PTPN13: variants seen among roughly 807,000 people sequenced by gnomAD.
The protein encoded by PTPN13 is protein tyrosine phosphatase non-receptor type 13, also known as tyrosine-protein phosphatase non-receptor type 13.
In PTPN13, 191 loss-of-function variants were observed where a neutral mutation model predicts 284.0. That is an observed-to-expected ratio of 0.67 (90% CI 0.60 to 0.76). PTPN13 has a LOEUF of 0.76. PTPN13 is among the 30% of genes least tolerant of loss of function. PTPN13 has a pLI of 0.00. For synonymous variants in PTPN13, 986 were observed against 1,022.3 expected (o/e 0.96, Z 0.68); for missense variants, 2,797 against 2,939.9 (o/e 0.95, Z 1.12).
At chr4:86,661,212 T>C (rs778890025) in intron 2 of PTPN13, 7 of 354,400 alleles carry the variant, frequency 2.0e-5, no homozygotes, top group South Asian at 1.5e-4. Flanking sequence ...TGCCTGGTTT[T>C]GGACATCATA....
rs1368647794 is a variant in PTPN13 at position 86,771,382 on chromosome 4, A to G, written c.5015A>G (p.Asn1672Ser). 1 of 1,572,010 alleles carries G rather than the reference A, an allele frequency of 6.4e-7. No homozygotes were observed. Among genetic ancestry groups the G allele is most frequent in the Non-Finnish European group, 8.6e-7 (1 of 1,157,908 alleles). ...GTGACAGCTCCAGCAAACATATCAA[A>G]TTCGACCTGGAGTTCAGCTTTGCAT... ...DLVTAPANIS[N>S]STWSSALHQT... The change falls in exon 31 of 48, where the codon AAT becomes AGT. Residue 1672 changes from asparagine (N) to serine (S), a missense_variant. Coordinates refer to ENST00000411767, the MANE Select transcript of PTPN13 (RefSeq NM_080683.3).
intron 40 of PTPN13, among the ~76,000 whole-genome samples, chr4:86,794,914 C>T (rs1027853362): frequency 6.6e-6 from 1 of 152,136 alleles, no homozygotes; most frequent in African/African-American, 2.4e-5. Context: ...GGATTAAAGA[C>T]GTAAATGTAA....
intron 7 of PTPN13, among the ~76,000 whole-genome samples, chr4:86,703,138 T>G (rs892460282): frequency 6.6e-6 from 1 of 152,088 alleles, no homozygotes; most frequent in Non-Finnish European, 1.5e-5. Context: ...TTAATTGATA[T>G]GGGTTCCGAT....
chr4:86,768,031 A>AATTTG (rs1251022900), intron 28 of PTPN13, 55 bp downstream of exon 28: 18 of 1,525,190 alleles, frequency 1.2e-5, no homozygotes, highest in Non-Finnish European at 1.6e-5. Flanking sequence ...GCCTATTCAA[A>AATTTG]ATTTGATTTT....
At position 86,762,647 on chromosome 4, in the gene PTPN13, A is replaced by T. The variant is rs540813584; in HGVS notation, c.3554-80A>T. The T allele has an allele frequency of 3.6e-6, 4 of 1,110,030 alleles. No homozygotes were observed. The East Asian group carries it at 9.5e-5, about 26-fold the overall frequency. 68.8% of individuals were successfully genotyped at this position (1,110,030 alleles called of 1,614,324 possible). ...TCATCCTTATAAAATCCTTCCAACAATCTTCAAGAAACATTGTGTATGTGT... is the reference window on the plus strand; with the variant it reads ...TCATCCTTATAAAATCCTTCCAACATTCTTCAAGAAACATTGTGTATGTGT... On this transcript the variant is annotated intron_variant, in intron 23 of 47. Transcript: ENST00000411767.
chr4:86,605,186 A>G lies in PTPN13; in HGVS notation c.-6+10397A>G, dbSNP rs1489992927. 2.0e-5 allele frequency among the ~76,000 whole-genome samples: 3 copies of G among 152,088 alleles called. No individual in the cohort carries two copies. In the East Asian group the frequency reaches 5.8e-4, roughly 29 times the overall value. On this transcript the variant is annotated intron_variant, in intron 1 of 47. Coordinates refer to ENST00000411767, the MANE Select transcript of PTPN13 (RefSeq NM_080683.3). ...AGAAACTAGGAAAATGTTATGTTAA[A>G]GAAAGTGCCTTAGGAGAGTGGAGGG... is the stretch of plus-strand genomic sequence containing the variant.
intron 19 of PTPN13, among the ~76,000 whole-genome samples, chr4:86,752,708 T>C (rs908395074): frequency 2.6e-5 from 4 of 152,208 alleles, no homozygotes; most frequent in African/African-American, 9.6e-5. Flanking sequence ...ATAATGAATA[T>C]TCTTTTAACA....
Position 86,771,527 on chromosome 4 carries a change from T to A in PTPN13, c.5160T>A (p.Phe1720Leu). Reference sequence around the variant, plus strand: ...AGAAAATTCCCAATAAACCAGAGTTTGAGGACAGGTATCATCAATATAATG... The same window carrying A: ...AGAAAATTCCCAATAAACCAGAGTTAGAGGACAGGTATCATCAATATAATG... ...YPQKIPNKPE[F>L]EDSNPSPLPP... The change falls in exon 31 of 48, where the codon TTT (phenylalanine) becomes TTA (leucine). Residue 1720 changes from phenylalanine to leucine, a missense_variant. Physicochemically the swap from Phe to Leu is conservative, Grantham distance 22. Coordinates refer to ENST00000411767, the MANE Select transcript of PTPN13 (RefSeq NM_080683.3). The A allele has an allele frequency of 6.4e-7, 1 of 1,571,348 alleles. No homozygotes were observed. The highest frequency in any genetic ancestry group is 8.7e-7 in the Non-Finnish European group (1 of 1,155,430).
rs1247586081 is a variant in PTPN13 at position 86,810,924 on chromosome 4, A to G, written c.7300-122A>G. ...ATTTTGTCCAGGAGAGTTTCCCAAG[A>G]CTACCAGAAGGGGAAGAAGAGTGGG... On this transcript the variant is annotated intron_variant, in intron 46 of 47. Coordinates refer to ENST00000411767, the MANE Select transcript of PTPN13 (RefSeq NM_080683.3). 1.1e-5 allele frequency: 9 copies of G among 805,902 alleles called. No individual in the cohort carries two copies. The South Asian group carries it at 2.0e-4, about 18-fold the overall frequency. The allele number at this position is 805,902 out of a possible 1,614,324, so 49.9% of individuals were successfully genotyped here. A position where few individuals can be genotyped will look rare whatever the true frequency, so the allele number is the denominator to read the frequency against.
At chr4:86,759,960 A>G (rs948419985) in intron 23 of PTPN13, among the ~76,000 whole-genome samples, 3 of 152,226 alleles carry the variant, frequency 2.0e-5, no homozygotes, top group African/African-American at 4.8e-5. Context: ...TAAAAGAATT[A>G]GTAAAAAAAA....
At chr4:86,681,579 T>C (rs933599762) in intron 3 of PTPN13, among the ~76,000 whole-genome samples, 1 of 152,232 alleles carries the variant, frequency 6.6e-6, no homozygotes, top group East Asian at 1.9e-4. Context: ...GTCAGTTAAA[T>C]AGCTGTGTGA....
In PTPN13 at chr4:86,686,739, G is replaced by C; in HGVS notation, c.324G>C (p.Leu108=). The C allele has an allele frequency of 6.3e-7, 1 of 1,580,514 alleles. No homozygotes were observed. The change falls in exon 4 of 48, where the codon CTG becomes CTC. Residue 108 remains leucine (L), a synonymous_variant. Coordinates refer to ENST00000411767, the MANE Select transcript of PTPN13 (RefSeq NM_080683.3). ...KIHIYSLGMT[L]YWGADYEVPQ... is the part of the protein sequence containing the mutation. ...ACATTTATTCTCTTGGAATGACACT[G>C]TATTGGGGGGCTGATTATGAAGTGC...
chr4:86,647,809 TAGAG>T (rs895625723), intron 2 of PTPN13, among the ~76,000 whole-genome samples: 11 of 152,078 alleles, frequency 7.2e-5, no homozygotes, highest in African/African-American at 2.6e-4. Flanking sequence ...TGAGAAGACA[TAGAG>T]AGAAGATGGC....
At chr4:86,613,715 C>G (rs1030105824) in intron 1 of PTPN13, among the ~76,000 whole-genome samples, 13 of 151,592 alleles carry the variant, frequency 8.6e-5, no homozygotes, top group Non-Finnish European at 1.9e-4. Flanking sequence ...TAAAGGTCAA[C>G]CTTGCGAGCA....
At chr4:86,626,881 G>A (rs977084085) in intron 1 of PTPN13, among the ~76,000 whole-genome samples, 4 of 152,116 alleles carry the variant, frequency 2.6e-5, no homozygotes, top group African/African-American at 9.6e-5. Context: ...ATTCAAAGCA[G>A]GATCTCAAAG....
At chr4:86,785,970 C>A (rs1741859536) in intron 40 of PTPN13, 34 bp downstream of exon 40, 14 of 1,208,814 alleles carry the variant, frequency 1.2e-5, no homozygotes, top group South Asian at 1.6e-5. Context: ...TAGGATATGA[C>A]AGCTTGTTAC....
chr4:86,651,852 T>C (rs1725119497), intron 2 of PTPN13, among the ~76,000 whole-genome samples: 1 of 152,208 alleles, frequency 6.6e-6, no homozygotes, highest in Non-Finnish European at 1.5e-5. Context: ...CTGCTTTTAT[T>C]TAATTGGGTC....
intron 7 of PTPN13, among the ~76,000 whole-genome samples, chr4:86,710,395 A>AT (rs1214671680): frequency 1.3e-5 from 2 of 152,190 alleles, no homozygotes; most frequent in African/African-American, 4.8e-5. Context: ...CTGAGCTTGA[A>AT]TATGTGTCAC....
chr4:86,711,128 G>T (rs556213807), intron 7 of PTPN13, among the ~76,000 whole-genome samples: 8 of 98,970 alleles, frequency 8.1e-5, no homozygotes, highest in African/African-American at 2.2e-4. Flanking sequence ...GGAGAGATGG[G>T]GTTTCACCAT....
Sources: allele counts gnomAD v4.1 joint callset (sites outside exome capture counted in the v4.1 genomes callset), GRCh38; gene constraint gnomAD v4.1.1; transcripts MANE v1.5; gene names NCBI Gene and HGNC (gene_info 2026-07-23, HGNC 2026-07-21).